Variants in CISD1 observed in about 807,000 individuals in gnomAD.
CISD1 encodes CDGSH iron-sulfur domain-containing protein 1.
In CISD1, 8 loss-of-function variants were observed where a neutral mutation model predicts 12.0. The ratio of observed to expected loss-of-function variants is 0.67; its 90% CI spans 0.39 to 1.20. The LOEUF (loss-of-function observed/expected upper bound fraction) is 1.20, where lower values mean the gene tolerates loss of function less well. CISD1 is among the 50% of genes most tolerant of loss of function. The pLI is 0.01. For missense variants in CISD1, 107 were observed against 132.7 expected, an observed-to-expected ratio of 0.81 and a Z score of 0.95; for synonymous variants, 38 against 42.2, an observed-to-expected ratio of 0.90 and a Z score of 0.39.
intron 1 of CISD1, among the ~76,000 whole-genome samples, chr10:58,274,389 C>G (rs1839286673): frequency 6.7e-6 from 1 of 149,534 alleles, no homozygotes; most frequent in African/African-American, 2.5e-5. Context: ...CAGCTTTTTG[C>G]CAGAAAAGAC....
intron 1 of CISD1, among the ~76,000 whole-genome samples, chr10:58,271,582 T>G (rs1839249933): frequency 6.6e-6 from 1 of 152,336 alleles, no homozygotes; most frequent in South Asian, 2.1e-4. Flanking sequence ...AATTTAGATC[T>G]TTTAATTGGG....
intron 2 of CISD1, among the ~76,000 whole-genome samples, chr10:58,285,348 G>A (rs1305459581): frequency 6.6e-6 from 1 of 152,120 alleles, no homozygotes; most frequent in Non-Finnish European, 1.5e-5. Context: ...GGATATCAAA[G>A]TTTAAGATTA....
chr10:58,287,111 G>C (rs1021349965), intron 2 of CISD1, among the ~76,000 whole-genome samples: 3 of 152,102 alleles, frequency 2.0e-5, no homozygotes, highest in Admixed American at 1.3e-4. Flanking sequence ...AGTAGAGACA[G>C]GGTTTCACCA....
intron 1 of CISD1, among the ~76,000 whole-genome samples, chr10:58,270,714 C>T (rs1040273824): frequency 2.0e-5 from 3 of 152,158 alleles, no homozygotes; most frequent in Non-Finnish European, 2.9e-5. Flanking sequence ...CTTTTTTAGA[C>T]AAGACAAGGT....
chr10:58,284,886 G>A (rs748269189), intron 2 of CISD1, among the ~76,000 whole-genome samples: 2 of 152,116 alleles, frequency 1.3e-5, no homozygotes, highest in African/African-American at 2.4e-5. Flanking sequence ...AATTTATAGT[G>A]AAGTGTTTTG....
intron 2 of CISD1, among the ~76,000 whole-genome samples, chr10:58,277,730 G>A (rs114455823): frequency 0.018 from 2,748 of 149,218 alleles, 89 homozygotes; most frequent in African/African-American, 0.064. Flanking sequence ...AGTTCAGGCA[G>A]ATTTAACCAT....
chr10:58,278,853 C>T (rs2132280999), intron 2 of CISD1, among the ~76,000 whole-genome samples: 1 of 152,236 alleles, frequency 6.6e-6, no homozygotes, highest in African/African-American at 2.4e-5. Flanking sequence ...AGTCAAAACA[C>T]AGACGCAGAG....
intron 1 of CISD1, among the ~76,000 whole-genome samples, chr10:58,273,026 T>C (rs1318358202): frequency 6.6e-6 from 1 of 152,204 alleles, no homozygotes; most frequent in African/African-American, 2.4e-5. Context: ...TCCCTGTGTG[T>C]GTCTGAAATG....
chr10:58,287,317 G>A (rs1416765), intron 2 of CISD1, among the ~76,000 whole-genome samples: 51,478 of 151,982 alleles, frequency 0.34, 10,959 homozygotes, highest in African/African-American at 0.61. Context: ...ATAAACATAA[G>A]AAAGGCCTTC....
chr10:58,284,846 AT>A (rs1319226187), intron 2 of CISD1, among the ~76,000 whole-genome samples: 1 of 152,124 alleles, frequency 6.6e-6, no homozygotes, highest in Middle Eastern at 3.2e-3. Context: ...GAAATATTTC[AT>A]TTTTCAGAAA....
intron 2 of CISD1, among the ~76,000 whole-genome samples, chr10:58,286,720 ACAG>A (rs1839433956): frequency 6.6e-6 from 1 of 152,174 alleles, no homozygotes; most frequent in African/African-American, 2.4e-5. Flanking sequence ...GGACACCAAA[ACAG>A]CAGTTATATC....
chr10:58,270,096 C>T lies in CISD1; in HGVS notation c.31+792C>T, dbSNP rs569189063. Among the ~76,000 whole-genome samples the T allele has an allele frequency of 3.3e-5, 5 of 152,180 alleles. No homozygotes were observed. In the East Asian group the frequency reaches 9.6e-4, roughly 29 times the overall value. On this transcript the variant is annotated intron_variant, in intron 1 of 2. Transcript: ENST00000333926. Reference sequence around the variant, plus strand: ...ACACACAATATATGTGATCTTTGCCCCTCTATAAAACGCCACTTCGCAAGG... The same window carrying T: ...ACACACAATATATGTGATCTTTGCCTCTCTATAAAACGCCACTTCGCAAGG...
intron 1 of CISD1, among the ~76,000 whole-genome samples, chr10:58,274,102 C>T (rs1839282453): frequency 6.6e-6 from 1 of 151,694 alleles, no homozygotes. Context: ...CATTGCACTC[C>T]AGCCTGGGCA....
At chr10:58,275,391 C>A (rs1447980276) in intron 1 of CISD1, among the ~76,000 whole-genome samples, 1 of 152,164 alleles carries the variant, frequency 6.6e-6, no homozygotes, top group Non-Finnish European at 1.5e-5. Context: ...AAATTGTAGA[C>A]CTGCTTGGAA....
chr10:58,271,767 A>AC, intron 1 of CISD1, among the ~76,000 whole-genome samples: 1 of 151,980 alleles, frequency 6.6e-6, no homozygotes, highest in African/African-American at 2.4e-5. Context: ...ATAAAAAAAA[A>AC]TTTAACGGGA....
intron 1 of CISD1, among the ~76,000 whole-genome samples, chr10:58,273,017 C>G (rs545709553): frequency 2.0e-5 from 3 of 152,050 alleles, no homozygotes; most frequent in Non-Finnish European, 4.4e-5. Flanking sequence ...TTATAGTATT[C>G]CCTGTGTGTG....
chr10:58,277,598 TTTTC>T (rs1326285276), intron 2 of CISD1, among the ~76,000 whole-genome samples: 2 of 112,416 alleles, frequency 1.8e-5, no homozygotes, highest in Admixed American at 7.8e-5. Context: ...TAATATCACT[TTTTC>T]TTTCTTTTTT....
intron 2 of CISD1, among the ~76,000 whole-genome samples, chr10:58,278,929 G>A (rs1295510723): frequency 2.6e-5 from 4 of 152,132 alleles, no homozygotes; most frequent in Admixed American, 6.6e-5. Flanking sequence ...TAGGTATTCT[G>A]GTGGTGCTAT....
At chr10:58,269,612 C>T (rs973237115) in intron 1 of CISD1, among the ~76,000 whole-genome samples, 4 of 152,180 alleles carry the variant, frequency 2.6e-5, no homozygotes, top group Admixed American at 2.0e-4. Flanking sequence ...GCTTTCATGT[C>T]CTTAAGTCAC....
Sources: allele counts gnomAD v4.1 joint callset (sites outside exome capture counted in the v4.1 genomes callset), GRCh38; gene constraint gnomAD v4.1.1; transcripts MANE v1.5; gene names NCBI Gene and HGNC (gene_info 2026-07-23, HGNC 2026-07-21).